Variants in PPP3CA observed in about 807,000 individuals in gnomAD.
PPP3CA encodes the protein CAM-PRP catalytic subunit.
Under a neutral mutation model 66.5 loss-of-function variants are expected in PPP3CA, and 14 were observed. The ratio of observed to expected loss-of-function variants is 0.21; its 90% CI spans 0.14 to 0.33. PPP3CA has a LOEUF of 0.33. Among genes scored for constraint, PPP3CA ranks in the 10% least tolerant of loss-of-function variants. The probability of loss-of-function intolerance (pLI) is 1.00; values close to 1 mark genes in which losing one functional copy is unlikely to be tolerated. For synonymous variants in PPP3CA, 232 were observed against 226.2 expected, an observed-to-expected ratio of 1.03 and a Z score of -0.23; for missense variants, 317 against 639.5, an observed-to-expected ratio of 0.50 and a Z score of 5.44.
chr4:101,304,975 A>T (rs1728488003), intron 1 of PPP3CA, among the ~76,000 whole-genome samples: 1 of 152,250 alleles, frequency 6.6e-6, no homozygotes. Context: ...CCACTTTAGA[A>T]GAAAGCTATT....
chr4:101,099,678 T>C lies in PPP3CA; in HGVS notation c.429A>G (p.Thr143=). The change falls in exon 4 of 14, where the codon ACA becomes ACG. Residue 143 remains threonine (T), a synonymous_variant. Coordinates refer to ENST00000394854, the MANE Select transcript of PPP3CA (RefSeq NM_000944.5). ...CATGATTTCCACGAAGTAAAAACAG[T>C]GTTTTGGGGTAGAGAATTTTCAAGG... The part of the protein sequence containing the change: ...LWALKILYPK[T]LFLLRGNHEC... 2 of 1,592,832 alleles carry C rather than the reference T, an allele frequency of 1.3e-6. No homozygotes were observed. The highest frequency in any genetic ancestry group is 1.7e-6 in the Non-Finnish European group (2 of 1,169,152).
intron 1 of PPP3CA, among the ~76,000 whole-genome samples, chr4:101,281,313 G>C (rs2110278277): frequency 6.6e-6 from 1 of 152,296 alleles, no homozygotes; most frequent in South Asian, 2.1e-4. Flanking sequence ...AAGAACATGG[G>C]CTCAGGAGAA....
chr4:101,070,491 A>G (rs1728870929), intron 8 of PPP3CA, among the ~76,000 whole-genome samples: 1 of 152,214 alleles, frequency 6.6e-6, no homozygotes, highest in Non-Finnish European at 1.5e-5. Flanking sequence ...TGGCAACTGC[A>G]TGAACTTGGG....
chr4:101,310,903 G>A (rs1430743680), intron 1 of PPP3CA, among the ~76,000 whole-genome samples: 2 of 152,074 alleles, frequency 1.3e-5, no homozygotes, highest in Non-Finnish European at 2.9e-5. Context: ...CAACTTCAAA[G>A]TCATCATCCT....
At chr4:101,230,026 C>T (rs967685633) in intron 1 of PPP3CA, among the ~76,000 whole-genome samples, 1 of 151,564 alleles carries the variant, frequency 6.6e-6, no homozygotes, top group African/African-American at 2.4e-5. Flanking sequence ...TAGATAAATA[C>T]AGTTCCTTCT....
chr4:101,260,218 T>A (rs778294947), intron 1 of PPP3CA, among the ~76,000 whole-genome samples: 13 of 152,184 alleles, frequency 8.5e-5, no homozygotes, highest in Non-Finnish European at 1.9e-4. Flanking sequence ...ATACTGTCTG[T>A]AATTTAAATC....
chr4:101,194,135 G>C (rs1367224790), intron 2 of PPP3CA, among the ~76,000 whole-genome samples: 2 of 151,974 alleles, frequency 1.3e-5, no homozygotes, highest in Non-Finnish European at 2.9e-5. Flanking sequence ...AATGTTCCTC[G>C]AGCCAATTCC....
At chr4:101,147,993 C>A (rs980073186) in intron 2 of PPP3CA, among the ~76,000 whole-genome samples, 2 of 152,076 alleles carry the variant, frequency 1.3e-5, no homozygotes, top group Non-Finnish European at 2.9e-5. Flanking sequence ...GGTAATTTCA[C>A]TGGTCTAGGA....
At position 101,025,389 on chromosome 4, in the gene PPP3CA, T is replaced by C. The variant is rs1726584250; in HGVS notation, c.*476A>G. The stretch of plus-strand genomic sequence containing the variant: ...CAAAACATTATCAATAAATAGTCCT[T>C]AGTTTGTACATCATTTTGTTAAAAA... On this transcript the variant is annotated 3_prime_UTR_variant, in exon 14 of 14. Transcript: ENST00000394854. 1 of 152,270 alleles carries C rather than the reference T, an allele frequency of 6.6e-6. No individual in the cohort carries two copies. The highest frequency in any genetic ancestry group is 1.5e-5 in the Non-Finnish European group (1 of 68,026). 9.4% of individuals were successfully genotyped at this position (152,270 alleles called of 1,614,324 possible).
Position 101,061,079 on chromosome 4 carries a change from C to A in PPP3CA, c.1156+8G>T. ...AATAGCATTAGCACAAAGGCTCAAG[C>A]CTCTTACCATCAAATCCATCTTCTT... On this transcript the variant is annotated splice_region_variant and intron_variant, in intron 10 of 13. Coordinates refer to ENST00000394854, the MANE Select transcript of PPP3CA (RefSeq NM_000944.5). The A allele has an allele frequency of 2.5e-6, 4 of 1,607,334 alleles. No individual in the cohort carries two copies. Among genetic ancestry groups the A allele is most frequent in the South Asian group, 2.2e-5 (2 of 90,934 alleles).
chr4:101,193,193 T>A (rs1315012430), intron 2 of PPP3CA, among the ~76,000 whole-genome samples: 1 of 152,212 alleles, frequency 6.6e-6, no homozygotes, highest in Non-Finnish European at 1.5e-5. Context: ...CAGGTCTTAT[T>A]CACATGTATG....
At chr4:101,180,171 C>T (rs1415245567) in intron 2 of PPP3CA, among the ~76,000 whole-genome samples, 2 of 152,106 alleles carry the variant, frequency 1.3e-5, no homozygotes, top group Non-Finnish European at 2.9e-5. Flanking sequence ...CCTAATATCC[C>T]TGTTTATCTG....
At chr4:101,234,944 T>C (rs976701132) in intron 1 of PPP3CA, among the ~76,000 whole-genome samples, 9 of 151,738 alleles carry the variant, frequency 5.9e-5, no homozygotes, top group Non-Finnish European at 1.3e-4. Flanking sequence ...TTAGAAGAAA[T>C]GTGAAGATAT....
Position 101,080,600 on chromosome 4 carries a change from G to A in PPP3CA, c.887C>T (p.Thr296Ile). 6.5e-7 allele frequency: 1 copy of A among 1,530,700 alleles called. No individual in the cohort carries two copies. Among genetic ancestry groups the A allele is most frequent in the Non-Finnish European group, 8.9e-7 (1 of 1,126,770 alleles). The allele number at this position is 1,530,700 out of a possible 1,614,324, so 94.8% of individuals were successfully genotyped here. The change falls in exon 8 of 14, where the codon ACA (threonine) becomes ATA (isoleucine). Residue 296 changes from threonine to isoleucine, a missense_variant. Thr to Ile is a moderately conservative substitution (Grantham distance 89). Around this residue, in one of 3 missense-constraint regions of PPP3CA, gnomAD observed 201 missense variants for 501.4 expected, o/e 0.40. Coordinates refer to ENST00000394854, the MANE Select transcript of PPP3CA (RefSeq NM_000944.5). ...AGYRMYRKSQ[T>I]TGFPSLITIF... Reference sequence around the variant, plus strand: ...TGTAATTAGAGAAGGGAAGCCTGTTGTTTGGCTTTTCCTGTACATGCGGTA... The same window carrying A: ...TGTAATTAGAGAAGGGAAGCCTGTTATTTGGCTTTTCCTGTACATGCGGTA...
intron 3 of PPP3CA, chr4:101,108,302 A>C (rs923952002): frequency 6.6e-6 from 1 of 152,248 alleles, no homozygotes; most frequent in Non-Finnish European, 1.5e-5. Flanking sequence ...ATAAGGCATA[A>C]ACATGCAAAT....
At chr4:101,330,324 T>C (rs759858593) in intron 1 of PPP3CA, 2 of 450,988 alleles carry the variant, frequency 4.4e-6, no homozygotes, top group East Asian at 7.0e-5. Flanking sequence ...GAGTTGCTTC[T>C]CAAGGATGAG....
chr4:101,045,372 T>C (rs1727716091), intron 10 of PPP3CA, among the ~76,000 whole-genome samples: 1 of 152,204 alleles, frequency 6.6e-6, no homozygotes, highest in African/African-American at 2.4e-5. Flanking sequence ...TGTTGGTAGC[T>C]TCAAATCAGC....
intron 2 of PPP3CA, among the ~76,000 whole-genome samples, chr4:101,151,015 A>T (rs1312687983): frequency 1.3e-5 from 2 of 152,180 alleles, no homozygotes; most frequent in Non-Finnish European, 2.9e-5. Context: ...CAAAATTTAA[A>T]ATTAATTATA....
intron 6 of PPP3CA, among the ~76,000 whole-genome samples, chr4:101,086,414 T>C (rs978534313): frequency 6.6e-6 from 1 of 152,184 alleles, no homozygotes; most frequent in African/African-American, 2.4e-5. Context: ...ACAGTTACTA[T>C]TAGATTAATT....
Sources: allele counts gnomAD v4.1 joint callset (sites outside exome capture counted in the v4.1 genomes callset), GRCh38; gene constraint gnomAD v4.1.1; regional missense constraint gnomAD v4.1.1; transcripts MANE v1.5; gene names NCBI Gene and HGNC (gene_info 2026-07-23, HGNC 2026-07-21).